ADAM2: variants seen among roughly 807,000 people sequenced by gnomAD.
The protein encoded by ADAM2 is disintegrin and metalloproteinase domain-containing protein 2.
In ADAM2, 101 loss-of-function variants were observed where a neutral mutation model predicts 99.3. The ratio of observed to expected loss-of-function variants is 1.02; its 90% CI spans 0.87 to 1.20. The LOEUF (loss-of-function observed/expected upper bound fraction) is 1.20, where lower values mean the gene tolerates loss of function less well. Ranked by LOEUF, ADAM2 falls within the 50% of genes most tolerant of loss-of-function variation. The pLI, the probability that ADAM2 is intolerant of heterozygous loss-of-function variation, is 0.00. For synonymous variants in ADAM2, 323 were observed against 287.6 expected, an observed-to-expected ratio of 1.12 and a Z score of -1.25; for missense variants, 948 against 878.7, an observed-to-expected ratio of 1.08 and a Z score of -1.00.
At chr8:39,787,294 A>T (rs897900759) in intron 9 of ADAM2, among the ~76,000 whole-genome samples, 3 of 151,658 alleles carry the variant, frequency 2.0e-5, no homozygotes, top group Non-Finnish European at 3.0e-5. Context: ...ATGTAGATTT[A>T]AAAAAACTAA....
intron 10 of ADAM2, among the ~76,000 whole-genome samples, chr8:39,781,161 A>G (rs552933998): frequency 2.4e-3 from 364 of 152,056 alleles, no homozygotes; most frequent in Non-Finnish European, 4.0e-3. Context: ...GTGTGTGTTT[A>G]TATGTTTATG....
chr8:39,809,407 T>C lies in ADAM2; in HGVS notation c.570+3A>G, dbSNP rs772152120. 1.7e-6 allele frequency: 2 copies of C among 1,173,404 alleles called. No homozygotes were observed. Among genetic ancestry groups the C allele is most frequent in the Non-Finnish European group, 2.5e-6 (2 of 793,338 alleles). The allele number at this position is 1,173,404 out of a possible 1,614,324, so 72.7% of individuals were successfully genotyped here. A position where few individuals can be genotyped will look rare whatever the true frequency, so the allele number is the denominator to read the frequency against. On this transcript the variant is annotated splice_donor_region_variant and intron_variant, in intron 7 of 20. Transcript: ENST00000265708. The stretch of plus-strand genomic sequence containing the variant: ...GGACATAAATAAATCAGAATATACT[T>C]ACCAATTGTTTTTCAACTATAACAT...
At chr8:39,785,312 A>G (rs905283388) in intron 10 of ADAM2, among the ~76,000 whole-genome samples, 3 of 152,216 alleles carry the variant, frequency 2.0e-5, no homozygotes, top group Middle Eastern at 3.2e-3. Flanking sequence ...CAAAACCACA[A>G]TGAAACACCA....
chr8:39,796,800 G>A (rs1803977627), intron 7 of ADAM2, among the ~76,000 whole-genome samples: 1 of 152,132 alleles, frequency 6.6e-6, no homozygotes. Context: ...TAGTGATGTG[G>A]AGCTTTTTTT....
chr8:39,803,605 T>C (rs1333055534), intron 7 of ADAM2, among the ~76,000 whole-genome samples: 4 of 152,214 alleles, frequency 2.6e-5, no homozygotes, highest in Non-Finnish European at 5.9e-5. Context: ...GAAGACTGGA[T>C]GATGCCTCGT....
chr8:39,804,976 G>C (rs1804378045), intron 7 of ADAM2, among the ~76,000 whole-genome samples: 2 of 152,122 alleles, frequency 1.3e-5, no homozygotes, highest in African/African-American at 2.4e-5. Flanking sequence ...CACAAGCTGA[G>C]TAGCTTATTA....
intron 6 of ADAM2, among the ~76,000 whole-genome samples, chr8:39,811,670 C>CA (rs1421002411): frequency 6.6e-6 from 1 of 152,148 alleles, no homozygotes; most frequent in Admixed American, 6.5e-5. Flanking sequence ...GAACCAAAGA[C>CA]AAAAACCACA....
intron 18 of ADAM2, among the ~76,000 whole-genome samples, chr8:39,746,886 A>AT (rs1196388184): frequency 1.3e-5 from 2 of 151,942 alleles, no homozygotes; most frequent in African/African-American, 4.8e-5. Context: ...TTCATGAAGA[A>AT]TTTTTTTTGT....
intron 2 of ADAM2, among the ~76,000 whole-genome samples, chr8:39,835,862 T>C (rs1357659846): frequency 6.6e-6 from 1 of 152,030 alleles, no homozygotes; most frequent in African/African-American, 2.4e-5. Context: ...ATTTTAAAAA[T>C]AAACTAGGCT....
intron 6 of ADAM2, among the ~76,000 whole-genome samples, chr8:39,811,346 G>A (rs1804687425): frequency 6.6e-6 from 1 of 152,110 alleles, no homozygotes; most frequent in Non-Finnish European, 1.5e-5. Context: ...TCTACCAGAG[G>A]TACAAAGAGG....
At chr8:39,767,648 A>T (rs1311166152) in intron 12 of ADAM2, among the ~76,000 whole-genome samples, 1 of 152,184 alleles carries the variant, frequency 6.6e-6, no homozygotes, top group Non-Finnish European at 1.5e-5. Context: ...TCTGAATATA[A>T]TATTTTAACA....
intron 18 of ADAM2, among the ~76,000 whole-genome samples, chr8:39,747,493 G>A (rs1196785290): frequency 6.6e-6 from 1 of 152,138 alleles, no homozygotes; most frequent in African/African-American, 2.4e-5. Flanking sequence ...ATAGAAGAAA[G>A]AGTCTCTAAG....
At chr8:39,753,136 C>T (rs1208701749) in intron 16 of ADAM2, among the ~76,000 whole-genome samples, 1 of 152,094 alleles carries the variant, frequency 6.6e-6, no homozygotes, top group Non-Finnish European at 1.5e-5. Flanking sequence ...TTCCTAGAGA[C>T]TTGTTGAATG....
chr8:39,764,397 C>A (rs1230193992), intron 14 of ADAM2, among the ~76,000 whole-genome samples: 1 of 152,144 alleles, frequency 6.6e-6, no homozygotes, highest in Non-Finnish European at 1.5e-5. Context: ...GCAAGACCCT[C>A]ACTGCCCTCT....
At chr8:39,798,815 GT>G (rs892683967) in intron 7 of ADAM2, among the ~76,000 whole-genome samples, 2 of 151,744 alleles carry the variant, frequency 1.3e-5, no homozygotes, top group African/African-American at 4.8e-5. Context: ...AGACTCTCCA[GT>G]TTTTTTTGCA....
intron 7 of ADAM2, among the ~76,000 whole-genome samples, chr8:39,789,898 C>T (rs1803629904): frequency 6.6e-6 from 1 of 151,602 alleles, no homozygotes; most frequent in Non-Finnish European, 1.5e-5. Flanking sequence ...GACATTTCTC[C>T]AAATAAGATA....
intron 14 of ADAM2, among the ~76,000 whole-genome samples, chr8:39,762,391 A>C (rs1050780505): frequency 6.6e-5 from 10 of 152,222 alleles, no homozygotes; most frequent in Non-Finnish European, 1.0e-4. Context: ...TTGCTGGTAG[A>C]CAAAAAATAG....
chr8:39,766,438 CTT>C (rs770236532), intron 14 of ADAM2, among the ~76,000 whole-genome samples: 5 of 142,608 alleles, frequency 3.5e-5, no homozygotes, highest in African/African-American at 7.6e-5. Flanking sequence ...ACAGTATTCT[CTT>C]TTTTTTTTTT....
At chr8:39,815,034 CT>C (rs1804882717) in intron 6 of ADAM2, among the ~76,000 whole-genome samples, 1 of 151,880 alleles carries the variant, frequency 6.6e-6, no homozygotes, top group African/African-American at 2.4e-5. Context: ...TACTTTCACT[CT>C]TTAAAAATGT....
Sources: allele counts gnomAD v4.1 joint callset (sites outside exome capture counted in the v4.1 genomes callset), GRCh38; gene constraint gnomAD v4.1.1; transcripts MANE v1.5; gene names NCBI Gene and HGNC (gene_info 2026-07-23, HGNC 2026-07-21).